The following GPM6A variants were observed in gnomAD, a reference collection of about 807,000 sequenced individuals.
The protein encoded by GPM6A is neuronal membrane glycoprotein M6-a.
GPM6A carries 7 observed loss-of-function variants against 32.1 expected under a neutral mutation model. The observed-to-expected ratio is 0.22, with a 90% CI of 0.12 to 0.41. The LOEUF is 0.41. GPM6A is among the 10% of genes least tolerant of loss of function. The pLI is 1.00. For missense variants in GPM6A, 235 were observed against 347.2 expected, an observed-to-expected ratio of 0.68 and a Z score of 2.57; for synonymous variants, 130 against 123.4, an observed-to-expected ratio of 1.05 and a Z score of -0.35.
chr4:175,931,876 G>C (rs1739059096), intron 1 of GPM6A, among the ~76,000 whole-genome samples: 1 of 151,838 alleles, frequency 6.6e-6, no homozygotes, highest in Non-Finnish European at 1.5e-5. Flanking sequence ...CTTGAGGCTG[G>C]GAGTTCAGGA....
chr4:175,987,524 T>TGTG (rs1741013465), intron 1 of GPM6A, among the ~76,000 whole-genome samples: 2 of 148,688 alleles, frequency 1.3e-5, no homozygotes, highest in East Asian at 2.0e-4. Context: ...TAAAGTGTGT[T>TGTG]TGTGTGTGTG....
intron 1 of GPM6A, among the ~76,000 whole-genome samples, chr4:175,747,465 T>C (rs1732155792): frequency 6.6e-6 from 1 of 152,106 alleles, no homozygotes; most frequent in Admixed American, 6.6e-5. Context: ...TATTGTGGGT[T>C]CCATTCCAGC....
rs1335961576 is a variant in GPM6A, at chr4:175,712,378, GAGTGCTCCAAATTAATAAA to G, written c.38-10630_38-10612del. ...CTGATGCTGGCTCGTGGTGCCCCCA[GAGTGCTCCAAATTAATAAA>G]GAAGAGCTAGAGCAATTGGGGTCAT... On this transcript the variant is annotated intron_variant, in intron 1 of 6. Transcript: ENST00000393658. 3.3e-5 allele frequency among the ~76,000 whole-genome samples: 5 copies of G among 152,282 alleles called. No individual in the cohort carries two copies. In the South Asian group the frequency reaches 8.3e-4, roughly 25 times the overall value.
chr4:175,861,990 C>T (rs1431948894), intron 1 of GPM6A, among the ~76,000 whole-genome samples: 1 of 152,072 alleles, frequency 6.6e-6, no homozygotes, highest in Non-Finnish European at 1.5e-5. Flanking sequence ...CTCTGTTAAT[C>T]TAAAATTACC....
At chr4:175,941,534 C>G (rs1739405435) in intron 1 of GPM6A, among the ~76,000 whole-genome samples, 1 of 152,136 alleles carries the variant, frequency 6.6e-6, no homozygotes, top group Non-Finnish European at 1.5e-5. Flanking sequence ...TGCTATCCCT[C>G]CCCTAACCCC....
intron 1 of GPM6A, among the ~76,000 whole-genome samples, chr4:175,948,412 G>A (rs913274413): frequency 5.9e-5 from 9 of 152,240 alleles, no homozygotes; most frequent in East Asian, 5.8e-4. Flanking sequence ...GGCCCTCGCT[G>A]AGAACCTGAC....
At chr4:175,821,790 C>T (rs1206263094) in intron 1 of GPM6A, among the ~76,000 whole-genome samples, 1 of 151,786 alleles carries the variant, frequency 6.6e-6, no homozygotes, top group Non-Finnish European at 1.5e-5. Flanking sequence ...AAAATCAGTC[C>T]TATAAGAAGC....
rs183339233 is a variant in GPM6A at position 175,891,223 on chromosome 4, C to T, written c.-22-78974G>A. ...AGGCAAACCAGGAATATTATCCAAA[C>T]CACAAGTATGACCAAATCTCCTCTA... On this transcript the variant is annotated intron_variant, in intron 1 of 7. Coordinates refer to the GPM6A transcript ENST00000280187. 2.7e-3 allele frequency among the ~76,000 whole-genome samples: 410 copies of T among 152,288 alleles called. 2 individuals carry two copies. The highest frequency in any genetic ancestry group is 9.3e-3 in the African/African-American group (388 of 41,562).
At chr4:175,636,123 T>C (rs765693040) in intron 6 of GPM6A, among the ~76,000 whole-genome samples, 3 of 151,562 alleles carry the variant, frequency 2.0e-5, no homozygotes, top group Non-Finnish European at 4.4e-5. Flanking sequence ...CCACTATAAA[T>C]AACCTATTTT....
intron 1 of GPM6A, among the ~76,000 whole-genome samples, chr4:175,931,361 AACACTTTTTG>A (rs1233873509): frequency 6.6e-6 from 1 of 152,272 alleles, no homozygotes; most frequent in South Asian, 2.1e-4. Context: ...GTTTTTCTAA[AACACTTTTTG>A]ACACTTTTTG....
chr4:175,818,040 A>G (rs1414220084), intron 1 of GPM6A, among the ~76,000 whole-genome samples: 1 of 152,052 alleles, frequency 6.6e-6, no homozygotes, highest in Non-Finnish European at 1.5e-5. Context: ...TCTCCAATCT[A>G]TTAATATTGT....
At chr4:175,917,462 G>C (rs1210690691) in intron 1 of GPM6A, among the ~76,000 whole-genome samples, 2 of 152,124 alleles carry the variant, frequency 1.3e-5, no homozygotes, top group Non-Finnish European at 2.9e-5. Flanking sequence ...CGAAGGGCTT[G>C]AGATAGCAAA....
intron 1 of GPM6A, among the ~76,000 whole-genome samples, chr4:175,810,715 A>G (rs551382266): frequency 1.2e-4 from 18 of 152,208 alleles, no homozygotes; most frequent in Non-Finnish European, 2.5e-4. Context: ...ATCGGCCAAT[A>G]AGTATCATTA....
chr4:175,719,762 A>G (rs1028541685), intron 1 of GPM6A, among the ~76,000 whole-genome samples: 1 of 152,206 alleles, frequency 6.6e-6, no homozygotes, highest in African/African-American at 2.4e-5. Flanking sequence ...TTCTGCAAGC[A>G]GTATCTTTTC....
intron 1 of GPM6A, among the ~76,000 whole-genome samples, chr4:175,716,707 C>T (rs567917873): frequency 2.6e-5 from 4 of 152,002 alleles, no homozygotes; most frequent in Non-Finnish European, 4.4e-5. Context: ...TATTAAATTC[C>T]AAACAGGGCA....
At chr4:175,856,856 A>C (rs566741963) in intron 1 of GPM6A, among the ~76,000 whole-genome samples, 1 of 151,992 alleles carries the variant, frequency 6.6e-6, no homozygotes, top group Admixed American at 6.6e-5. Context: ...ATGGGTACAG[A>C]GTTGGGGGCA....
intron 2 of GPM6A, among the ~76,000 whole-genome samples, chr4:175,691,326 G>T (rs1744287199): frequency 6.6e-6 from 1 of 152,062 alleles, no homozygotes; most frequent in Non-Finnish European, 1.5e-5. Context: ...CTTCTTAAGG[G>T]ATTAATTCAC....
intron 1 of GPM6A, chr4:175,906,678 T>C (rs1335570472): frequency 2.0e-5 from 3 of 152,146 alleles, no homozygotes; most frequent in Non-Finnish European, 4.4e-5. Context: ...TTCCTTGTAA[T>C]TCTAATGAGT....
chr4:175,989,939 G>A (rs567103600), intron 1 of GPM6A, among the ~76,000 whole-genome samples: 1 of 152,250 alleles, frequency 6.6e-6, no homozygotes, highest in African/African-American at 2.4e-5. Flanking sequence ...GCAAGAAGTG[G>A]TGTAACATCT....
Sources: allele counts gnomAD v4.1 joint callset (sites outside exome capture counted in the v4.1 genomes callset), GRCh38; gene constraint gnomAD v4.1.1; transcripts MANE v1.5; gene names NCBI Gene and HGNC (gene_info 2026-07-23, HGNC 2026-07-21).